Variants in CEP112 observed in about 807,000 individuals in gnomAD.
The protein encoded by CEP112 is centrosomal protein of 112 kDa.
In CEP112, 127 loss-of-function variants were observed where a neutral mutation model predicts 153.0. The ratio of observed to expected loss-of-function variants is 0.83; its 90% CI spans 0.72 to 0.96. The LOEUF (loss-of-function observed/expected upper bound fraction) is 0.96. Among genes scored for constraint, CEP112 ranks in the 40% least tolerant of loss-of-function variants. CEP112 has a pLI of 0.00. For synonymous variants in CEP112, 358 were observed against 374.4 expected (o/e 0.96, Z 0.51); for missense variants, 1,089 against 1,101.2 (o/e 0.99, Z 0.16).
chr17:66,150,163 G>A (rs2146676210), intron 4 of CEP112, among the ~76,000 whole-genome samples: 1 of 145,570 alleles, frequency 6.9e-6, no homozygotes, highest in South Asian at 2.2e-4. Flanking sequence ...GCCTCCCAAA[G>A]TACTGGGATT....
intron 16 of CEP112, among the ~76,000 whole-genome samples, chr17:66,019,298 C>T (rs922991559): frequency 2.4e-5 from 1 of 40,830 alleles, no homozygotes; most frequent in Non-Finnish European, 5.8e-5. Flanking sequence ...ATGTGCACAC[C>T]TGTAACACTA....
intron 18 of CEP112, among the ~76,000 whole-genome samples, chr17:65,959,315 T>A (rs1397606403): frequency 6.6e-6 from 1 of 152,204 alleles, no homozygotes; most frequent in Non-Finnish European, 1.5e-5. Flanking sequence ...TGGGACACCC[T>A]GGCTGCAGAA....
intron 18 of CEP112, among the ~76,000 whole-genome samples, chr17:65,937,660 GT>G (rs2061382418): frequency 1.0e-5 from 1 of 99,768 alleles, no homozygotes. Flanking sequence ...TGTCCGGGAG[GT>G]GAGGGGCGCC....
intron 21 of CEP112, among the ~76,000 whole-genome samples, chr17:65,802,857 T>C (rs552262214): frequency 1.0e-3 from 153 of 152,200 alleles, no homozygotes; most frequent in Non-Finnish European, 1.6e-3. Context: ...TCCCACACGC[T>C]CTTTTCCCTA....
chr17:66,028,382 T>G lies in CEP112; in HGVS notation c.1527A>C (p.Leu509Phe). ...ASKASSMIEE[L>F]EQNVCQLKQQ... The stretch of plus-strand genomic sequence containing the variant: ...GTTTTAATTGACAGACATTCTGCTC[T>G]AATTCTTCAATCATACTAGATGCCT... The change falls in exon 15 of 27, where the codon TTA (leucine) becomes TTC (phenylalanine). Residue 509 changes from leucine to phenylalanine, a missense_variant. Coordinates refer to ENST00000535342, the MANE Select transcript of CEP112 (RefSeq NM_001199165.4). The G allele has an allele frequency of 6.3e-7, 1 of 1,596,192 alleles. No individual in the cohort carries two copies. The highest frequency in any genetic ancestry group is 1.1e-5 in the South Asian group (1 of 89,272).
At chr17:66,053,446 C>T (rs1348326062) in intron 12 of CEP112, among the ~76,000 whole-genome samples, 1 of 151,922 alleles carries the variant, frequency 6.6e-6, no homozygotes, top group Non-Finnish European at 1.5e-5. Context: ...AAGGCCATGC[C>T]GTTGCACTCC....
chr17:66,191,411 C>A lies in CEP112; in HGVS notation c.-9+586G>T, dbSNP rs1568602276. Among the ~76,000 whole-genome samples, 1 of 152,244 alleles carries A rather than the reference C, an allele frequency of 6.6e-6. No homozygotes were observed. Among genetic ancestry groups the A allele is most frequent in the Non-Finnish European group, 1.5e-5 (1 of 68,042 alleles). On this transcript the variant is annotated intron_variant, in intron 1 of 26. Coordinates refer to ENST00000535342, the MANE Select transcript of CEP112 (RefSeq NM_001199165.4). The surrounding 1 kb of genome is among the most constrained non-coding windows in gnomAD (Gnocchi z 4.2). ...TGTTCACATTTACTTATGTCGTTCT[C>A]TTGAACACTTAAAAATAATTAACTC... is the stretch of plus-strand genomic sequence containing the variant.
At chr17:65,727,898 C>T (rs2050269812) in intron 23 of CEP112, among the ~76,000 whole-genome samples, 1 of 152,178 alleles carries the variant, frequency 6.6e-6, no homozygotes, top group Non-Finnish European at 1.5e-5. Context: ...ACTCGAGGAA[C>T]ACCCACTGGG....
intron 21 of CEP112, among the ~76,000 whole-genome samples, chr17:65,821,079 C>A (rs561466852): frequency 6.8e-6 from 1 of 147,856 alleles, no homozygotes; most frequent in African/African-American, 2.5e-5. Flanking sequence ...TAAAATGTAG[C>A]CCTTTTTTAA....
In CEP112 at chr17:66,022,284, T is replaced by A. The variant is rs1012791133; in HGVS notation, c.1656+5217A>T. On this transcript the variant is annotated intron_variant, in intron 16 of 26. Transcript: ENST00000535342. ...TTCAATGAAATTCAAAACTAAGAAGTTACTATTTCTCCAGATGTGAATAAA... is the reference window on the plus strand; with the variant it reads ...TTCAATGAAATTCAAAACTAAGAAGATACTATTTCTCCAGATGTGAATAAA... 1.3e-5 allele frequency among the ~76,000 whole-genome samples: 2 copies of A among 152,120 alleles called. 1 individual carries two copies. Among genetic ancestry groups the A allele is most frequent in the South Asian group, 4.1e-4 (2 of 4,824 alleles).
chr17:66,108,901 G>T (rs968583655), intron 6 of CEP112, among the ~76,000 whole-genome samples: 1 of 152,026 alleles, frequency 6.6e-6, no homozygotes, highest in Non-Finnish European at 1.5e-5. Flanking sequence ...AAGAAAATGT[G>T]TTACTTACAC....
At chr17:66,128,435 T>C (rs1350236352) in intron 6 of CEP112, among the ~76,000 whole-genome samples, 2 of 151,910 alleles carry the variant, frequency 1.3e-5, no homozygotes, top group African/African-American at 4.8e-5. Context: ...TCAATTTCCC[T>C]AAAGCACTGC....
At chr17:65,716,725 T>C (rs1229365847) in intron 23 of CEP112, among the ~76,000 whole-genome samples, 4 of 152,164 alleles carry the variant, frequency 2.6e-5, no homozygotes, top group Admixed American at 6.5e-5. Flanking sequence ...TTCCTTGCAA[T>C]AGTCTTGGTA....
chr17:65,882,044 A>G (rs184313646), intron 20 of CEP112, among the ~76,000 whole-genome samples: 13 of 152,338 alleles, frequency 8.5e-5, no homozygotes, highest in African/African-American at 3.1e-4. Flanking sequence ...AATTATATGG[A>G]AGTAAAATAA....
At chr17:65,870,967 G>GT (rs2058653927) in intron 20 of CEP112, among the ~76,000 whole-genome samples, 1 of 152,172 alleles carries the variant, frequency 6.6e-6, no homozygotes, top group African/African-American at 2.4e-5. Flanking sequence ...TTTGACCTAG[G>GT]TTTTTTGCCA....
chr17:65,993,509 T>G (rs1356025714), intron 17 of CEP112, among the ~76,000 whole-genome samples: 2 of 152,184 alleles, frequency 1.3e-5, no homozygotes, highest in African/African-American at 2.4e-5. Flanking sequence ...CCAGCAGAAG[T>G]GTGTATATTT....
chr17:65,736,412 GC>G (rs1033578406), intron 23 of CEP112, among the ~76,000 whole-genome samples: 17 of 152,134 alleles, frequency 1.1e-4, no homozygotes, highest in African/African-American at 4.1e-4. Flanking sequence ...AAATGGAAAT[GC>G]CCAGTAGTAG....
chr17:66,148,079 G>C (rs1359241815), intron 4 of CEP112, among the ~76,000 whole-genome samples: 1 of 152,190 alleles, frequency 6.6e-6, no homozygotes, highest in Non-Finnish European at 1.5e-5. Flanking sequence ...AGAAAAATAG[G>C]TTTAATGGAC....
At chr17:65,943,116 G>T (rs933977837) in intron 18 of CEP112, among the ~76,000 whole-genome samples, 1 of 152,080 alleles carries the variant, frequency 6.6e-6, no homozygotes, top group African/African-American at 2.4e-5. Context: ...TGAATAGATA[G>T]GCAGGCTGGC....
Sources: gnomAD v4.1 joint callset for allele counts (sites outside exome capture counted in the v4.1 genomes callset) on GRCh38, gnomAD v4.1.1 for gene constraint, Gnocchi (gnomAD v3.1) non-coding constraint, MANE v1.5 for transcripts, NCBI Gene and HGNC (gene_info 2026-07-23, HGNC 2026-07-21) for gene names.